The following KCNU1 variants were observed in gnomAD, a reference collection of about 807,000 sequenced individuals.
The protein encoded by KCNU1 is potassium calcium-activated channel subfamily U member 1, also known as potassium channel subfamily U member 1.
KCNU1 carries 93 observed loss-of-function variants against 126.8 expected under a neutral mutation model. That is an observed-to-expected ratio of 0.73 (90% CI 0.62 to 0.87). The LOEUF is 0.87. Among genes scored for constraint, KCNU1 ranks in the 40% least tolerant of loss-of-function variants. The pLI, the probability that KCNU1 is intolerant of heterozygous loss-of-function variation, is 0.00. For synonymous variants in KCNU1, 523 were observed against 494.2 expected (o/e 1.06, Z -0.77); for missense variants, 1,330 against 1,367.1 (o/e 0.97, Z 0.43).
Position 36,862,915 on chromosome 8 carries a change from G to A in KCNU1, c.1892-1489G>A, listed in dbSNP as rs114044841. 2.6e-3 allele frequency among the ~76,000 whole-genome samples: 400 copies of A among 152,230 alleles called. 1 individual carries two copies. Among genetic ancestry groups the A allele is most frequent in the Middle Eastern group, 0.014 (4 of 294 alleles). ...TTAGAGACTGACAGTTGGTAACACA[G>A]CTAGTCCTTGCTCAGATTTTACTTC... On this transcript the variant is annotated intron_variant, in intron 18 of 26. Coordinates refer to ENST00000399881, the MANE Select transcript of KCNU1 (RefSeq NM_001031836.3).
At chr8:36,836,970 T>C (rs1227982535) in intron 14 of KCNU1, 25 bp downstream of exon 14, 1 of 1,612,432 alleles carries the variant, frequency 6.2e-7, no homozygotes. Context: ...TACTGTTGAT[T>C]CTTGGCTCTG....
At chr8:36,807,660 T>C (rs1029096033) in intron 6 of KCNU1, among the ~76,000 whole-genome samples, 8 of 151,936 alleles carry the variant, frequency 5.3e-5, no homozygotes, top group Non-Finnish European at 7.4e-5. Context: ...TTTAAAGAGC[T>C]GGTTTAGTCT....
chr8:36,838,781 G>C (rs1804846580), intron 14 of KCNU1, among the ~76,000 whole-genome samples: 1 of 152,138 alleles, frequency 6.6e-6, no homozygotes, highest in South Asian at 2.1e-4. Context: ...ATTTATACAA[G>C]ATGGATTTTA....
intron 22 of KCNU1, among the ~76,000 whole-genome samples, chr8:36,911,497 A>T (rs1397007087): frequency 6.6e-6 from 1 of 152,142 alleles, no homozygotes; most frequent in Non-Finnish European, 1.5e-5. Context: ...TTCTCATTGG[A>T]TCTTATAGAT....
chr8:36,919,852 C>T (rs537617299), intron 23 of KCNU1, among the ~76,000 whole-genome samples: 20 of 152,310 alleles, frequency 1.3e-4, no homozygotes, highest in African/African-American at 4.3e-4. Flanking sequence ...AAATCTTAGT[C>T]CTGCAAACAA....
At chr8:36,862,553 T>C (rs2117330955) in intron 18 of KCNU1, among the ~76,000 whole-genome samples, 1 of 152,306 alleles carries the variant, frequency 6.6e-6, no homozygotes, top group South Asian at 2.1e-4. Flanking sequence ...TACAAGCTGT[T>C]CTGTCCACCC....
In KCNU1 at chr8:36,787,692, A is replaced by C. The variant is rs1802759595; in HGVS notation, c.315+267A>C. ...TTATAATATTAATATAAATCATATG[A>C]TATGTTGTTAATAATGTTATATTAT... is the stretch of plus-strand genomic sequence containing the variant. On this transcript the variant is annotated intron_variant, in intron 2 of 26. Transcript: ENST00000399881. Among the ~76,000 whole-genome samples, 2 of 126,370 alleles carry C rather than the reference A, an allele frequency of 1.6e-5. 1 individual carries two copies. Among genetic ancestry groups the C allele is most frequent in the South Asian group, 4.3e-4 (2 of 4,658 alleles). The allele number at this position is 126,370 out of a possible 152,430, so 82.9% of individuals were successfully genotyped here.
At chr8:36,784,820 G>A in intron 1 of KCNU1, among the ~76,000 whole-genome samples, 1 of 152,080 alleles carries the variant, frequency 6.6e-6, no homozygotes, top group East Asian at 1.9e-4. Flanking sequence ...TCCCATCACT[G>A]GAAAAAGCAA....
rs368455409 is a variant in KCNU1 at position 36,870,562 on chromosome 8, G to A, written c.2009+6041G>A. Reference sequence around the variant, plus strand: ...GAGCCAGCCTCTGAGTCCACCTAGTGGGGGCAGAAGATCGGATACAAATCA... The same window carrying A: ...GAGCCAGCCTCTGAGTCCACCTAGTAGGGGCAGAAGATCGGATACAAATCA... On this transcript the variant is annotated intron_variant, in intron 19 of 26. Transcript: ENST00000399881. Among the ~76,000 whole-genome samples, 22 of 152,264 alleles carry A rather than the reference G, an allele frequency of 1.4e-4. 1 individual carries two copies. Among genetic ancestry groups the A allele is most frequent in the African/African-American group, 5.3e-4 (22 of 41,566 alleles).
intron 3 of KCNU1, among the ~76,000 whole-genome samples, chr8:36,804,451 C>A (rs562614766): frequency 2.6e-5 from 4 of 152,116 alleles, no homozygotes; most frequent in Non-Finnish European, 5.9e-5. Context: ...GGAGCAGAAA[C>A]GCTGTCGTAG....
At chr8:36,842,281 C>A (rs541525574) in intron 16 of KCNU1, among the ~76,000 whole-genome samples, 1 of 151,780 alleles carries the variant, frequency 6.6e-6, no homozygotes, top group Non-Finnish European at 1.5e-5. Flanking sequence ...ATCAGGTGGG[C>A]GATAAAGGAA....
intron 25 of KCNU1, 149 bp from the exon 26 acceptor site, chr8:36,932,771 C>G (rs1390311119): frequency 3.3e-6 from 2 of 605,532 alleles, no homozygotes; most frequent in African/African-American, 3.7e-5. Context: ...TCTTAATTAC[C>G]TATCGCCCTG....
chr8:36,839,506 G>T (rs1016632730), intron 14 of KCNU1, among the ~76,000 whole-genome samples: 1 of 152,210 alleles, frequency 6.6e-6, no homozygotes, highest in South Asian at 2.1e-4. Context: ...AAAGGGAAAA[G>T]ATTCATTCAG....
intron 18 of KCNU1, among the ~76,000 whole-genome samples, chr8:36,857,558 G>C (rs1012079435): frequency 6.6e-6 from 1 of 152,146 alleles, no homozygotes; most frequent in Non-Finnish European, 1.5e-5. Context: ...CCCTTACTAA[G>C]ATTTAGTATA....
rs901382678 is a variant in KCNU1 at position 36,884,514 on chromosome 8, T to C, written c.2009+19993T>C. On this transcript the variant is annotated intron_variant, in intron 19 of 26. Transcript: ENST00000399881. Reference sequence around the variant, plus strand: ...ACTTTGGGAGTCTGAGGTGGGTGGATCACCTGAGGTCAGGAGTTCCAGACC... The same window carrying C: ...ACTTTGGGAGTCTGAGGTGGGTGGACCACCTGAGGTCAGGAGTTCCAGACC... Among the ~76,000 whole-genome samples the C allele has an allele frequency of 3.3e-5, 5 of 152,098 alleles. No homozygotes were observed. In the East Asian group the frequency reaches 9.7e-4, roughly 29 times the overall value.
At chr8:36,926,128 A>C (rs1306853228) in intron 24 of KCNU1, among the ~76,000 whole-genome samples, 1 of 152,178 alleles carries the variant, frequency 6.6e-6, no homozygotes, top group Non-Finnish European at 1.5e-5. Flanking sequence ...GAATTCACTA[A>C]GTGCATTACC....
In KCNU1 at chr8:36,935,761, CTCCCTCTCTTT is replaced by C; in HGVS notation, c.3295_3305del (p.Leu1099Ter). The C allele has an allele frequency of 5.0e-6, 8 of 1,613,510 alleles. No individual in the cohort carries two copies. Among genetic ancestry groups the C allele is most frequent in the Non-Finnish European group, 6.8e-6 (8 of 1,179,566 alleles). ...TCTATTCTTACCAGCCGAGAACTAA[CTCCCTCTCTTT>C]TCCTAAGCAAATAGCATGGAATCAG... On this transcript the variant is annotated frameshift_variant, in exon 27 of 27. Coordinates refer to ENST00000399881, the MANE Select transcript of KCNU1 (RefSeq NM_001031836.3). LOFTEE classifies it low-confidence loss of function (END_TRUNC).
intron 10 of KCNU1, among the ~76,000 whole-genome samples, chr8:36,819,909 A>G (rs1034729207): frequency 6.6e-6 from 1 of 152,122 alleles, no homozygotes; most frequent in Non-Finnish European, 1.5e-5. Context: ...TAATTTGATA[A>G]ATAGAACACA....
chr8:36,892,906 A>T (rs1807024602), intron 19 of KCNU1, among the ~76,000 whole-genome samples: 1 of 151,938 alleles, frequency 6.6e-6, no homozygotes, highest in Non-Finnish European at 1.5e-5. Flanking sequence ...ATTTTTATTC[A>T]GTTTCCTACA....
Sources: gnomAD v4.1 joint callset for allele counts (sites outside exome capture counted in the v4.1 genomes callset) on GRCh38, gnomAD v4.1.1 for gene constraint, MANE v1.5 for transcripts, NCBI Gene and HGNC (gene_info 2026-07-23, HGNC 2026-07-21) for gene names.